TEX15: variants seen among roughly 807,000 people sequenced by gnomAD.
TEX15 encodes the protein testis expressed 15, meiosis and synapsis associated, also known as testis-expressed protein 15.
Under a neutral mutation model 237.3 loss-of-function variants are expected in TEX15, and 171 were observed. That is an observed-to-expected ratio of 0.72 (90% CI 0.64 to 0.82). The LOEUF is 0.82. Ranked by LOEUF, TEX15 falls within the 40% of genes least tolerant of loss-of-function variation. The pLI is 0.00. For missense variants in TEX15, 3,750 were observed against 3,646.5 expected (o/e 1.03, Z -0.73); for synonymous variants, 1,338 against 1,269.8 (o/e 1.05, Z -1.14).
At chr8:30,855,838 C>A (rs980131948) in intron 7 of TEX15, among the ~76,000 whole-genome samples, 2 of 152,064 alleles carry the variant, frequency 1.3e-5, no homozygotes, top group African/African-American at 4.8e-5. Flanking sequence ...CAAAAAAGTC[C>A]AAAAACTATG....
chr8:30,909,395 C>A (rs1472540408), intron 1 of TEX15, among the ~76,000 whole-genome samples: 1 of 80,942 alleles, frequency 1.2e-5, no homozygotes, highest in African/African-American at 8.1e-5. Context: ...TAAAGACAGA[C>A]CCCCCCCCGC....
intron 5 of TEX15, among the ~76,000 whole-genome samples, chr8:30,863,661 G>T (rs911793737): frequency 6.6e-6 from 1 of 151,082 alleles, no homozygotes; most frequent in Non-Finnish European, 1.5e-5. Context: ...CCCCTATTTT[G>T]CAGCCAGACA....
intron 3 of TEX15, among the ~76,000 whole-genome samples, chr8:30,876,142 C>T (rs369100702): frequency 2.5e-4 from 38 of 152,256 alleles, no homozygotes; most frequent in African/African-American, 8.9e-4. Context: ...CACCAAAATG[C>T]CATCTGCATT....
chr8:30,911,230 C>T (rs890481405), intron 1 of TEX15, among the ~76,000 whole-genome samples: 1 of 152,214 alleles, frequency 6.6e-6, no homozygotes, highest in African/African-American at 2.4e-5. Context: ...AGCGATTCTC[C>T]TGCCTCAGCC....
In TEX15 at chr8:30,859,921, T is replaced by C. The variant is rs566176917; in HGVS notation, c.677A>G (p.Tyr226Cys). The C allele has an allele frequency of 2.0e-6, 3 of 1,490,336 alleles. No homozygotes were observed. The highest frequency in any genetic ancestry group is 2.7e-6 in the Non-Finnish European group (3 of 1,130,448). The allele number at this position is 1,490,336 out of a possible 1,614,324, so 92.3% of individuals were successfully genotyped here. A position where few individuals can be genotyped will look rare whatever the true frequency, so the allele number is the denominator to read the frequency against. The change falls in exon 6 of 11, where the codon TAC (tyrosine) becomes TGC (cysteine). Residue 226 changes from tyrosine (Y) to cysteine (C), a missense_variant. Coordinates refer to ENST00000643185, the MANE Select transcript of TEX15 (RefSeq NM_001350162.2). ...GAACCATTAACATACTGCTGAACTG[T>C]AGGCTTGCAGTTCAATGGTATCTTT... ...SLKDTIELQA[Y>C]SSAVYFYEYS...
In TEX15 at chr8:30,845,872, T is replaced by C; in HGVS notation, c.4295A>G (p.Tyr1432Cys). ...NFWESCDLQG[Y>C]SSVSQRKYYS... The stretch of plus-strand genomic sequence containing the variant: ...ATATTTTCTTTGAGACACAGAACTA[T>C]AACCTTGAAGGTCACAACTTTCCCA... Residue 1432 changes from tyrosine (Y) to cysteine (C), a missense_variant, in exon 8 of 11, where the codon TAT becomes TGT. Tyr to Cys is a radical substitution (Grantham distance 194). Coordinates refer to ENST00000643185, the MANE Select transcript of TEX15 (RefSeq NM_001350162.2). 6.2e-7 allele frequency: 1 copy of C among 1,613,118 alleles called. No individual in the cohort carries two copies. Among genetic ancestry groups the C allele is most frequent in the Non-Finnish European group, 8.5e-7 (1 of 1,179,578 alleles).
At position 30,832,531 on chromosome 8, in the gene TEX15, T is replaced by C. The variant is rs1016105493; in HGVS notation, c.*755A>G. Reference sequence around the variant, plus strand: ...AAAAGAAAAGTCTATGACAAGAGCATGAAAAAACTATGTTTGTGCCACATT... The same window carrying C: ...AAAAGAAAAGTCTATGACAAGAGCACGAAAAAACTATGTTTGTGCCACATT... On this transcript the variant is annotated 3_prime_UTR_variant, in exon 11 of 11. Transcript: ENST00000643185. 2.0e-5 allele frequency: 3 copies of C among 152,204 alleles called. No individual in the cohort carries two copies. The highest frequency in any genetic ancestry group is 4.4e-5 in the Non-Finnish European group (3 of 68,020). The allele number at this position is 152,204 out of a possible 1,614,324, so 9.4% of individuals were successfully genotyped here. A position where few individuals can be genotyped will look rare whatever the true frequency, so the allele number is the denominator to read the frequency against.
chr8:30,853,841 A>G (rs1047659815), intron 7 of TEX15, among the ~76,000 whole-genome samples: 1 of 152,188 alleles, frequency 6.6e-6, no homozygotes, highest in Non-Finnish European at 1.5e-5. Context: ...AATGAAATAG[A>G]TATCGGTTAA....
rs1296587011 is a variant in TEX15 at position 30,845,098 on chromosome 8, C to G, written c.5069G>C (p.Arg1690Thr). 6 of 1,613,332 alleles carry G rather than the reference C, an allele frequency of 3.7e-6. No homozygotes were observed. In the Middle Eastern group the frequency reaches 4.9e-4, roughly 133 times the overall value. ...LEVKWTDPIE[R>T]PKQNIITGNF... ...TCCTGTAATAATGTTTTGTTTGGGT[C>G]TCTCAATAGGATCTGTCCACTTTAC... Residue 1690 changes from arginine (R) to threonine (T), a missense_variant, in exon 8 of 11, where the codon AGA (arginine) becomes ACA (threonine). Coordinates refer to ENST00000643185, the MANE Select transcript of TEX15 (RefSeq NM_001350162.2).
intron 2 of TEX15, among the ~76,000 whole-genome samples, chr8:30,895,257 C>G (rs1307942594): frequency 7.2e-6 from 1 of 139,062 alleles, no homozygotes; most frequent in Non-Finnish European, 1.5e-5. Context: ...ACGATTGCAC[C>G]ACTGCACTCC....
chr8:30,912,175 C>T (rs978377935), intron 1 of TEX15, among the ~76,000 whole-genome samples: 4 of 152,192 alleles, frequency 2.6e-5, no homozygotes, highest in African/African-American at 9.6e-5. Flanking sequence ...GCTCCTGCAG[C>T]GAGACAGCCG....
At chr8:30,858,518 G>A in intron 7 of TEX15, 150 bp downstream of exon 7, 1 of 584,730 alleles carries the variant, frequency 1.7e-6, no homozygotes, top group Non-Finnish European at 2.8e-6. Context: ...TGCTATGTTG[G>A]CCAGGTTGGC....
chr8:30,875,809 AT>A (rs879785043), intron 3 of TEX15, among the ~76,000 whole-genome samples: 510 of 142,540 alleles, frequency 3.6e-3, no homozygotes, highest in African/African-American at 5.7e-3. Flanking sequence ...CATCTGGTCA[AT>A]TTTTTTTTTT....
At position 30,844,258 on chromosome 8, in the gene TEX15, A is replaced by T. The variant is rs772997439; in HGVS notation, c.5909T>A (p.Val1970Asp). Residue 1970 changes from valine (V) to aspartate (D), a missense_variant, in exon 8 of 11, where the codon GTC becomes GAC. Physicochemically the swap from Val to Asp is radical, Grantham distance 152. Transcript: ENST00000643185. The part of the protein sequence containing the change: ...ILPAHSETCK[V>D]PTLLKKPASY... ...CGCAGGTTTCTTCAGAAGAGTAGGGACTTTACAGGTTTCAGAGTGGGCAGG... is the reference window on the plus strand; with the variant it reads ...CGCAGGTTTCTTCAGAAGAGTAGGGTCTTTACAGGTTTCAGAGTGGGCAGG... The T allele has an allele frequency of 3.1e-6, 5 of 1,613,134 alleles. No homozygotes were observed. In the South Asian group the frequency reaches 5.5e-5, roughly 18 times the overall value.
At chr8:30,855,793 C>G (rs1807895561) in intron 7 of TEX15, among the ~76,000 whole-genome samples, 1 of 152,028 alleles carries the variant, frequency 6.6e-6, no homozygotes, top group Non-Finnish European at 1.5e-5. Flanking sequence ...CATGGACGAA[C>G]TGGGAAAACA....
chr8:30,836,415 T>C (rs1807301113), intron 10 of TEX15, among the ~76,000 whole-genome samples: 1 of 151,912 alleles, frequency 6.6e-6, no homozygotes, highest in South Asian at 2.1e-4. Flanking sequence ...GGTTTCACTA[T>C]GTTGGCCAGG....
rs2128768345 is a variant in TEX15, at chr8:30,848,288, G to C, written c.1879C>G (p.Leu627Val). 1 of 1,612,926 alleles carries C rather than the reference G, an allele frequency of 6.2e-7. No homozygotes were observed. The highest frequency in any genetic ancestry group is 2.2e-5 in the East Asian group (1 of 44,870). ...TCTTCATGTTTGGAACTGTCTTCCA[G>C]GTCAGCGAAGTTTTTCATCTTTCCA... ...NTGKMKNFAD[L>V]EDSSKHEEKQ... The change falls in exon 8 of 11, where the codon CTG becomes GTG. Residue 627 changes from leucine (L) to valine (V), a missense_variant. By Grantham distance (32) the Leu-to-Val change is conservative. Transcript: ENST00000643185.
At chr8:30,858,426 C>T (rs1807960015) in intron 7 of TEX15, among the ~76,000 whole-genome samples, 1 of 152,002 alleles carries the variant, frequency 6.6e-6, no homozygotes. Flanking sequence ...ATTCTCCTTC[C>T]TCAGCCACCT....
rs1022871960 is a variant in TEX15, at chr8:30,908,553, T to C, written c.-86+4326A>G. Among the ~76,000 whole-genome samples, 4 of 152,288 alleles carry C rather than the reference T, an allele frequency of 2.6e-5. No homozygotes were observed. The South Asian group carries it at 6.2e-4, about 24-fold the overall frequency. On this transcript the variant is annotated intron_variant, in intron 1 of 10. Coordinates refer to ENST00000643185, the MANE Select transcript of TEX15 (RefSeq NM_001350162.2). ...TTGAAGTCTCTCTCTAAACAAAGCT[T>C]TACTGTAAGCCACAGAGTGGAGAAC... is the stretch of plus-strand genomic sequence containing the variant.
Sources: gnomAD v4.1 joint callset for allele counts (sites outside exome capture counted in the v4.1 genomes callset) on GRCh38, gnomAD v4.1.1 for gene constraint, MANE v1.5 for transcripts, NCBI Gene and HGNC (gene_info 2026-07-23, HGNC 2026-07-21) for gene names.